WDR3: variants seen among roughly 807,000 people sequenced by gnomAD.
WDR3 encodes WD repeat domain 3, also known as WD repeat-containing protein 3.
Under a neutral mutation model 123.7 loss-of-function variants are expected in WDR3, and 81 were observed. That is an observed-to-expected ratio of 0.65 (90% CI 0.55 to 0.79). The LOEUF (loss-of-function observed/expected upper bound fraction) is 0.79. WDR3 is among the 30% of genes least tolerant of loss of function. The pLI is 0.00. For missense variants in WDR3, 1,027 were observed against 1,123.2 expected (o/e 0.91, Z 1.22); for synonymous variants, 390 against 388.8 (o/e 1.00, Z -0.04).
Position 117,943,515 on chromosome 1 carries a change from C to A in WDR3, c.1217C>A (p.Thr406Lys). The change falls in exon 11 of 27, where the codon ACA becomes AAA. Residue 406 changes from threonine to lysine, a missense_variant. Coordinates refer to ENST00000349139, the MANE Select transcript of WDR3 (RefSeq NM_006784.3). ...TTGCCTACTCCTCAGCCTGTCAGGACAAGCAGAATCACTATTGGGGGTCAT... is the reference window on the plus strand; with the variant it reads ...TTGCCTACTCCTCAGCCTGTCAGGAAAAGCAGAATCACTATTGGGGGTCAT... ...PSLPTPQPVR[T>K]SRITIGGHRS... 6.2e-7 allele frequency: 1 copy of A among 1,614,110 alleles called. No individual in the cohort carries two copies. The highest frequency in any genetic ancestry group is 8.5e-7 in the Non-Finnish European group (1 of 1,180,022).
rs1339161616 is a variant in WDR3 at position 117,961,989 on chromosome 1, C to G, written c.*2542C>G. On this transcript the variant is annotated 3_prime_UTR_variant, in exon 27 of 27. Transcript: ENST00000349139. ...GTTGCTCATCAGAACATAAATGTCA[C>G]TTTCTAGTAACATTTTTGATGGTTT... The G allele has an allele frequency of 6.6e-6, 1 of 151,796 alleles. No individual in the cohort carries two copies. The highest frequency in any genetic ancestry group is 1.5e-5 in the Non-Finnish European group (1 of 67,988). The allele number at this position is 151,796 out of a possible 1,614,324, so 9.4% of individuals were successfully genotyped here.
chr1:117,929,931 A>G (rs1156979142), intron 1 of WDR3, 149 bp downstream of exon 1: 1 of 152,334 alleles, frequency 6.6e-6, no homozygotes, highest in African/African-American at 2.4e-5. Flanking sequence ...TCAGGTAACT[A>G]CGGGCGTCCC....
At position 117,964,000 on chromosome 1, in the gene WDR3, A is replaced by T. The variant is rs1653469340; in HGVS notation, c.*4553A>T. 1.3e-6 allele frequency: 2 copies of T among 1,530,148 alleles called. No homozygotes were observed. 94.8% of individuals were successfully genotyped at this position (1,530,148 alleles called of 1,614,324 possible). ...AAATTATTTGCATATATAAACCTAA[A>T]TAACATTTTAGAATCATAGAATTTC... On this transcript the variant is annotated 3_prime_UTR_variant, in exon 27 of 27. Transcript: ENST00000349139.
intron 3 of WDR3, among the ~76,000 whole-genome samples, chr1:117,936,176 G>C (rs548326782): frequency 7.2e-5 from 11 of 151,978 alleles, no homozygotes; most frequent in Non-Finnish European, 1.5e-4. Context: ...ATCCCTGCTG[G>C]TTCTATAGAT....
At chr1:117,938,960 T>C in intron 5 of WDR3, among the ~76,000 whole-genome samples, 1 of 152,206 alleles carries the variant, frequency 6.6e-6, no homozygotes, top group East Asian at 1.9e-4. Flanking sequence ...TTTTTATATA[T>C]CTTTGCATCC....
intron 4 of WDR3, 34 bp from the exon 5 acceptor site, chr1:117,938,446 A>T: frequency 6.3e-7 from 1 of 1,577,752 alleles, no homozygotes; most frequent in Non-Finnish European, 8.7e-7. Flanking sequence ...TTTCCTAAAC[A>T]GGCTATATAT....
intron 5 of WDR3, 63 bp downstream of exon 5, chr1:117,938,621 T>C: frequency 1.4e-6 from 2 of 1,434,374 alleles, no homozygotes; most frequent in Admixed American, 1.9e-5. Context: ...GGTGGTGGTC[T>C]TCTCTTCCCC....
chr1:117,932,278 C>G (rs1377433341), intron 1 of WDR3, among the ~76,000 whole-genome samples: 2 of 152,168 alleles, frequency 1.3e-5, no homozygotes, highest in African/African-American at 4.8e-5. Flanking sequence ...AGTGGCTGCT[C>G]TGATTTTGAA....
chr1:117,952,232 G>A (rs1351248255), intron 17 of WDR3, 65 bp from the exon 18 acceptor site: 5 of 1,488,146 alleles, frequency 3.4e-6, no homozygotes, highest in African/African-American at 2.8e-5. Context: ...AGCTATTTAT[G>A]TGTGTAAAAC....
In WDR3 at chr1:117,955,372, T is replaced by TG. The variant is rs1244392414; in HGVS notation, c.2453+15dup. 1 of 1,610,800 alleles carries TG rather than the reference T, an allele frequency of 6.2e-7. No homozygotes were observed. ...GATCAAGTCGAGGTGAGTGAGTCCT[T>TG]GCGCACAATTTTTGTAATCTGTCAG... On this transcript the variant is annotated intron_variant, in intron 24 of 26. Transcript: ENST00000349139.
intron 19 of WDR3, 119 bp from the exon 20 acceptor site, chr1:117,952,827 G>A: frequency 2.1e-6 from 3 of 1,433,056 alleles, no homozygotes; most frequent in East Asian, 4.7e-5. Context: ...GCTAGGCAGA[G>A]ATAAAGATGC....
chr1:117,954,152 G>A, intron 22 of WDR3, 53 bp downstream of exon 22: 1 of 1,475,972 alleles, frequency 6.8e-7, no homozygotes, highest in Admixed American at 1.9e-5. Flanking sequence ...TTCCCAAGGA[G>A]AAAAACCATT....
At position 117,955,385 on chromosome 1, in the gene WDR3, T is replaced by C. The variant is rs371321966; in HGVS notation, c.2453+27T>C. Reference sequence around the variant, plus strand: ...TGAGTGAGTCCTTGCGCACAATTTTTGTAATCTGTCAGCAAACATTTATGA... The same window carrying C: ...TGAGTGAGTCCTTGCGCACAATTTTCGTAATCTGTCAGCAAACATTTATGA... On this transcript the variant is annotated intron_variant, in intron 24 of 26. Transcript: ENST00000349139. The C allele has an allele frequency of 4.0e-5, 65 of 1,608,230 alleles. No individual in the cohort carries two copies. The African/African-American group carries it at 8.4e-4, about 21-fold the overall frequency.
intron 19 of WDR3, 85 bp from the exon 20 acceptor site, chr1:117,952,861 G>C: frequency 6.6e-7 from 1 of 1,522,994 alleles, no homozygotes; most frequent in South Asian, 1.2e-5. Flanking sequence ...TGTTGTCAAA[G>C]GAGCAGCTTC....
chr1:117,946,785 C>G (rs1651415932), intron 12 of WDR3, among the ~76,000 whole-genome samples: 1 of 151,640 alleles, frequency 6.6e-6, no homozygotes, highest in Non-Finnish European at 1.5e-5. Flanking sequence ...ACTAAAAATA[C>G]AAAAAATTAG....
At chr1:117,944,618 A>G (rs1436269213) in intron 11 of WDR3, among the ~76,000 whole-genome samples, 2 of 152,218 alleles carry the variant, frequency 1.3e-5, no homozygotes, top group Non-Finnish European at 2.9e-5. Flanking sequence ...CCCACCTGCT[A>G]TTCCTTCAGA....
chr1:117,938,580 C>T (rs766274595), intron 5 of WDR3, 22 bp downstream of exon 5: 7 of 1,603,036 alleles, frequency 4.4e-6, no homozygotes, highest in Non-Finnish European at 6.0e-6. Flanking sequence ...GTCATGGGCC[C>T]AGGGAAATAA....
rs1204863546 is a variant in WDR3, at chr1:117,946,099, T to C, written c.1342T>C (p.Cys448Arg). ...TCTTTCTCATAGGTCTACACTGCAGTGTATTCGCACAATGACCTGTGAATA... is the reference window on the plus strand; with the variant it reads ...TCTTTCTCATAGGTCTACACTGCAGCGTATTCGCACAATGACCTGTGAATA... The part of the protein sequence containing the change: ...IKIWNRSTLQ[C>R]IRTMTCEYAL... The change falls in exon 12 of 27, where the codon TGT (cysteine) becomes CGT (arginine). Residue 448 changes from cysteine to arginine, a missense_variant. Coordinates refer to ENST00000349139, the MANE Select transcript of WDR3 (RefSeq NM_006784.3). The C allele has an allele frequency of 8.1e-6, 13 of 1,611,806 alleles. No homozygotes were observed. The highest frequency in any genetic ancestry group is 1.7e-5 in the Admixed American group (1 of 59,754).
At position 117,954,073 on chromosome 1, in the gene WDR3, G is replaced by A. The variant is rs1651800392; in HGVS notation, c.2335G>A (p.Ala779Thr). 3.7e-6 allele frequency: 6 copies of A among 1,612,354 alleles called. No homozygotes were observed. In the East Asian group the frequency reaches 1.3e-4, roughly 36 times the overall value. ...EETAKMKEHK[A>T]ICKAAGKEVP... ...AACTGCAAAAATGAAGGAACACAAA[G>A]CCATTTGTAAAGCTGCAGGGAAAGA... The change falls in exon 22 of 27, where the codon GCC (alanine) becomes ACC (threonine). Residue 779 changes from alanine to threonine, a missense_variant. Coordinates refer to ENST00000349139, the MANE Select transcript of WDR3 (RefSeq NM_006784.3).
Sources: gnomAD v4.1 joint callset for allele counts (sites outside exome capture counted in the v4.1 genomes callset) on GRCh38, gnomAD v4.1.1 for gene constraint, MANE v1.5 for transcripts, NCBI Gene and HGNC (gene_info 2026-07-23, HGNC 2026-07-21) for gene names.